The following COPS3 variants were observed in gnomAD, a reference collection of about 807,000 sequenced individuals.
COPS3 encodes the protein COP9 signalosome subunit 3, also known as COP9 signalosome complex subunit 3.
Under a neutral mutation model 58.2 loss-of-function variants are expected in COPS3, and 10 were observed. The ratio of observed to expected loss-of-function variants is 0.17; its 90% confidence interval spans 0.11 to 0.29. The LOEUF (loss-of-function observed/expected upper bound fraction) is 0.29, where lower values mean the gene tolerates loss of function less well. Among genes scored for constraint, COPS3 ranks in the 10% least tolerant of loss-of-function variants. The pLI is 1.00. For missense variants in COPS3, 333 were observed against 510.1 expected (o/e 0.65, Z 3.34); for synonymous variants, 187 against 181.7 (o/e 1.03, Z -0.24).
intron 6 of COPS3, 97 bp downstream of exon 6, chr17:17,264,705 G>A (rs912980934): frequency 9.1e-5 from 85 of 935,726 alleles, no homozygotes; most frequent in African/African-American, 1.5e-4. Context: ...CTGAAACGGA[G>A]GCCCTGGGAT....
intron 8 of COPS3, among the ~76,000 whole-genome samples, chr17:17,256,144 A>G (rs1044346158): frequency 3.3e-5 from 5 of 151,704 alleles, no homozygotes; most frequent in African/African-American, 1.2e-4. Context: ...ACGCCACTGC[A>G]CTCCAGCCTG....
At chr17:17,258,205 T>C (rs1445451525) in intron 8 of COPS3, among the ~76,000 whole-genome samples, 1 of 152,136 alleles carries the variant, frequency 6.6e-6, no homozygotes, top group East Asian at 1.9e-4. Flanking sequence ...CCACTTCGTG[T>C]CAACATACGA....
At chr17:17,253,199 C>T (rs2047889988) in intron 9 of COPS3, among the ~76,000 whole-genome samples, 1 of 152,112 alleles carries the variant, frequency 6.6e-6, no homozygotes, top group South Asian at 2.1e-4. Context: ...GCACTCCAGC[C>T]TGGGCAACAC....
At chr17:17,261,698 G>GAAA in intron 7 of COPS3, 8 of 362,548 alleles carry the variant, frequency 2.2e-5, no homozygotes, top group East Asian at 7.3e-5. Flanking sequence ...TGTCTCTAGG[G>GAAA]AAAAAAAAAA....
chr17:17,259,313 T>C (rs1297382553), intron 8 of COPS3, among the ~76,000 whole-genome samples: 3 of 152,196 alleles, frequency 2.0e-5, no homozygotes, highest in African/African-American at 4.8e-5. Context: ...CCTCTATTTG[T>C]TGAGCTACAG....
intron 1 of COPS3, among the ~76,000 whole-genome samples, chr17:17,279,278 T>G (rs1265837752): frequency 6.6e-6 from 1 of 152,186 alleles, no homozygotes; most frequent in African/African-American, 2.4e-5. Context: ...TATAGCATCC[T>G]ATAACCTGAA....
chr17:17,280,818 T>C lies in COPS3; in HGVS notation c.55+314A>G, dbSNP rs920103802. ...AGAAGGAACCAATAGTCGCCCGAGA[T>C]GGCTCCTGGCGGAAGTCACGCCCCC... On this transcript the variant is annotated intron_variant, in intron 1 of 11. Coordinates refer to ENST00000268717, the MANE Select transcript of COPS3 (RefSeq NM_003653.4). 428 of 1,245,154 alleles carry C rather than the reference T, an allele frequency of 3.4e-4. 6 individuals carry two copies. The highest frequency in any genetic ancestry group is 1.7e-4 in the South Asian group (10 of 57,272). 77.1% of individuals were successfully genotyped at this position (1,245,154 alleles called of 1,614,324 possible).
intron 7 of COPS3, chr17:17,261,531 T>TAAAA: frequency 3.1e-6 from 1 of 318,306 alleles, no homozygotes. Flanking sequence ...CATTTCTAAA[T>TAAAA]AAATAAATAA....
chr17:17,265,025 G>C (rs1032572901), intron 5 of COPS3, 44 bp from the exon 6 acceptor site: 1 of 1,540,346 alleles, frequency 6.5e-7, no homozygotes, highest in Non-Finnish European at 8.8e-7. Flanking sequence ...ATTTTACTTA[G>C]GCAGGTATTA....
intron 2 of COPS3, among the ~76,000 whole-genome samples, 191 bp downstream of exon 2, chr17:17,275,844 A>C (rs2048449927): frequency 6.6e-6 from 1 of 152,124 alleles, no homozygotes; most frequent in South Asian, 2.1e-4. Flanking sequence ...CAAGAGGCTG[A>C]GGCAAGAGAA....
chr17:17,279,965 C>A (rs1025410250), intron 1 of COPS3, among the ~76,000 whole-genome samples: 2 of 152,182 alleles, frequency 1.3e-5, no homozygotes, highest in African/African-American at 2.4e-5. Context: ...ACAATTCTAC[C>A]CCTAGAAATG....
intron 2 of COPS3, among the ~76,000 whole-genome samples, chr17:17,274,351 T>C (rs543138260): frequency 2.3e-4 from 35 of 152,204 alleles, no homozygotes; most frequent in Middle Eastern, 3.4e-3. Context: ...TATGGTGACA[T>C]TGTTAAGTCA....
chr17:17,277,711 C>T (rs2048490419), intron 1 of COPS3, among the ~76,000 whole-genome samples: 1 of 152,198 alleles, frequency 6.6e-6, no homozygotes. Flanking sequence ...TGAGCCACCA[C>T]ACTCAGCCTG....
rs1037550515 is a variant in COPS3 at position 17,246,924 on chromosome 17, T to G, written c.*174A>C. The G allele has an allele frequency of 4.9e-6, 3 of 614,790 alleles. No individual in the cohort carries two copies. In the African/African-American group the frequency reaches 5.5e-5, roughly 11 times the overall value. The allele number at this position is 614,790 out of a possible 1,614,324, so 38.1% of individuals were successfully genotyped here. Reference sequence around the variant, plus strand: ...CTTTAAAGTTTGCAAATCTGTTTCCTTTCTTTGCAGAGAAAATGGTTTTCT... The same window carrying G: ...CTTTAAAGTTTGCAAATCTGTTTCCGTTCTTTGCAGAGAAAATGGTTTTCT... On this transcript the variant is annotated 3_prime_UTR_variant, in exon 12 of 12. Transcript: ENST00000268717.
chr17:17,276,270 A>G, intron 1 of COPS3, 106 bp from the exon 2 acceptor site: 1 of 1,426,204 alleles, frequency 7.0e-7, no homozygotes, highest in Non-Finnish European at 9.7e-7. Flanking sequence ...CCCAAAATTG[A>G]TTCTTAATCT....
intron 1 of COPS3, among the ~76,000 whole-genome samples, chr17:17,278,651 A>G (rs2048510659): frequency 1.3e-5 from 2 of 152,198 alleles, no homozygotes; most frequent in Admixed American, 1.3e-4. Flanking sequence ...TAAATATATT[A>G]ACAATAATTT....
intron 4 of COPS3, among the ~76,000 whole-genome samples, chr17:17,268,828 A>G (rs989172535): frequency 1.4e-5 from 2 of 145,764 alleles, no homozygotes; most frequent in African/African-American, 5.5e-5. Flanking sequence ...CAAAAAAACA[A>G]CAACAACAAC....
chr17:17,271,871 CACAT>C (rs1443826018), intron 2 of COPS3, among the ~76,000 whole-genome samples: 1 of 96,948 alleles, frequency 1.0e-5, no homozygotes, highest in South Asian at 3.9e-4. Context: ...CACATACACA[CACAT>C]ATGTTTAATA....
At chr17:17,258,779 T>C (rs1337827066) in intron 8 of COPS3, among the ~76,000 whole-genome samples, 1 of 152,216 alleles carries the variant, frequency 6.6e-6, no homozygotes, top group Non-Finnish European at 1.5e-5. Flanking sequence ...AAGCTGGTTT[T>C]TCTGGCTCAC....
Sources: allele counts gnomAD v4.1 joint callset (sites outside exome capture counted in the v4.1 genomes callset), GRCh38; gene constraint gnomAD v4.1.1; transcripts MANE v1.5; gene names NCBI Gene and HGNC (gene_info 2026-07-23, HGNC 2026-07-21).